ELMO1: variants seen among roughly 807,000 people sequenced by gnomAD.
ELMO1 encodes engulfment and cell motility protein 1.
A neutral mutation model predicts 98.9 loss-of-function variants in ELMO1; 26 were observed. The observed-to-expected ratio is 0.26, with a 90% confidence interval of 0.19 to 0.36. ELMO1 has a LOEUF of 0.36. Among genes scored for constraint, ELMO1 ranks in the 10% least tolerant of loss-of-function variants. ELMO1 has a pLI of 1.00. For synonymous variants in ELMO1, 346 were observed against 346.0 expected, an observed-to-expected ratio of 1.00 and a Z score of 0.00; for missense variants, 627 against 935.2, an observed-to-expected ratio of 0.67 and a Z score of 4.30.
Position 37,079,664 on chromosome 7 carries a change from A to C in ELMO1, c.1300+16955T>G, listed in dbSNP as rs77283650. ...TACTAAAAATCAATGGTCAGTTCTC[A>C]GTCCTCATTTAACCCCATCACCTGC... On this transcript the variant is annotated intron_variant, in intron 15 of 21. Coordinates refer to ENST00000310758, the MANE Select transcript of ELMO1 (RefSeq NM_014800.11). 1.6e-4 allele frequency among the ~76,000 whole-genome samples: 25 copies of C among 152,244 alleles called. 1 individual carries two copies. Among genetic ancestry groups the C allele is most frequent in the African/African-American group, 5.8e-4 (24 of 41,534 alleles).
intron 16 of ELMO1, among the ~76,000 whole-genome samples, chr7:36,896,780 G>C (rs1368134571): frequency 6.6e-6 from 1 of 151,998 alleles, no homozygotes; most frequent in Admixed American, 6.6e-5. Context: ...GATTAAATTT[G>C]GTCAAGGTTG....
At chr7:37,302,519 T>C (rs543155595) in intron 4 of ELMO1, among the ~76,000 whole-genome samples, 1 of 152,144 alleles carries the variant, frequency 6.6e-6, no homozygotes, top group South Asian at 2.1e-4. Flanking sequence ...AAAGGACATA[T>C]GTAGGGCACT....
intron 13 of ELMO1, among the ~76,000 whole-genome samples, chr7:37,133,503 G>A (rs1406043033): frequency 6.6e-6 from 1 of 152,126 alleles, no homozygotes; most frequent in Non-Finnish European, 1.5e-5. Flanking sequence ...TTAGACATGT[G>A]ACATTGTGAG....
At chr7:37,302,208 T>C (rs143421023) in intron 4 of ELMO1, among the ~76,000 whole-genome samples, 2 of 152,280 alleles carry the variant, frequency 1.3e-5, no homozygotes, top group Non-Finnish European at 2.9e-5. Flanking sequence ...GCAGTGGCTA[T>C]TCACAGGTAC....
At chr7:37,326,641 GT>G (rs1799833312) in intron 2 of ELMO1, among the ~76,000 whole-genome samples, 1 of 151,744 alleles carries the variant, frequency 6.6e-6, no homozygotes, top group Admixed American at 6.6e-5. Context: ...CAGTTAAATG[GT>G]TTACCAAAAG....
At chr7:37,158,514 A>C (rs1051825723) in intron 13 of ELMO1, among the ~76,000 whole-genome samples, 1 of 152,254 alleles carries the variant, frequency 6.6e-6, no homozygotes, top group Non-Finnish European at 1.5e-5. Flanking sequence ...GACACTTCTC[A>C]AAAGAAGACA....
intron 13 of ELMO1, among the ~76,000 whole-genome samples, chr7:37,174,239 C>T (rs1790372522): frequency 6.6e-6 from 1 of 152,154 alleles, no homozygotes; most frequent in African/African-American, 2.4e-5. Context: ...GGTCATCTCA[C>T]GTTTTTGTTA....
chr7:37,068,924 A>G (rs1183359833), intron 15 of ELMO1, among the ~76,000 whole-genome samples: 1 of 152,234 alleles, frequency 6.6e-6, no homozygotes, highest in Non-Finnish European at 1.5e-5. Context: ...AATAATTATA[A>G]AACAGCAGTT....
chr7:37,043,317 G>A (rs1266035299), intron 15 of ELMO1, among the ~76,000 whole-genome samples: 1 of 152,200 alleles, frequency 6.6e-6, no homozygotes, highest in Non-Finnish European at 1.5e-5. Flanking sequence ...TCTCGTCCCT[G>A]TGCCCCAAGC....
chr7:37,088,330 T>A (rs1359423438), intron 15 of ELMO1, among the ~76,000 whole-genome samples: 2 of 152,230 alleles, frequency 1.3e-5, no homozygotes, highest in East Asian at 3.8e-4. Flanking sequence ...TATCTCCAAG[T>A]ACTGCTTTCT....
In ELMO1 at chr7:36,882,533, C is replaced by G. The variant is rs187020491; in HGVS notation, c.1715-4416G>C. Among the ~76,000 whole-genome samples, 15 of 152,326 alleles carry G rather than the reference C, an allele frequency of 9.8e-5. No homozygotes were observed. The East Asian group carries it at 2.9e-3, about 29-fold the overall frequency. On this transcript the variant is annotated intron_variant, in intron 18 of 21. Transcript: ENST00000310758. The stretch of plus-strand genomic sequence containing the variant: ...TGTGTTTTGATTCTGAATTCTGCCT[C>G]CCTGGACACAGCTGCTCAGAGCAAA...
At chr7:37,435,131 G>A (rs571120831) in intron 1 of ELMO1, 3 of 152,414 alleles carry the variant, frequency 2.0e-5, no homozygotes, top group South Asian at 2.1e-4. Flanking sequence ...TCCAAGTGCC[G>A]AGGTGTTTAC....
chr7:37,443,004 A>G (rs1187684696), intron 1 of ELMO1, among the ~76,000 whole-genome samples: 1 of 152,230 alleles, frequency 6.6e-6, no homozygotes, highest in Non-Finnish European at 1.5e-5. Context: ...TCCAAGCCAC[A>G]TCTGTAAAAT....
intron 13 of ELMO1, among the ~76,000 whole-genome samples, chr7:37,191,648 G>A (rs369962809): frequency 2.8e-4 from 42 of 152,288 alleles, no homozygotes; most frequent in African/African-American, 8.4e-4. Flanking sequence ...GGCCGGGCAC[G>A]GTGGCTCAAG....
At chr7:36,880,862 CA>C (rs1271606437) in intron 18 of ELMO1, among the ~76,000 whole-genome samples, 1 of 152,180 alleles carries the variant, frequency 6.6e-6, no homozygotes, top group Non-Finnish European at 1.5e-5. Context: ...ATCTTCCTTG[CA>C]AAGTTGGAGT....
intron 1 of ELMO1, among the ~76,000 whole-genome samples, chr7:37,440,242 G>A (rs945339304): frequency 6.6e-6 from 1 of 152,088 alleles, no homozygotes; most frequent in Non-Finnish European, 1.5e-5. Flanking sequence ...AGGAGTTCGA[G>A]ACCAGCCTGG....
intron 13 of ELMO1, among the ~76,000 whole-genome samples, chr7:37,137,236 T>C (rs1167310238): frequency 6.6e-6 from 1 of 152,168 alleles, no homozygotes; most frequent in Non-Finnish European, 1.5e-5. Flanking sequence ...ATACTAAATA[T>C]ATATGCATCT....
At chr7:37,138,392 T>C (rs1787404071) in intron 13 of ELMO1, among the ~76,000 whole-genome samples, 1 of 151,728 alleles carries the variant, frequency 6.6e-6, no homozygotes, top group South Asian at 2.1e-4. Flanking sequence ...ATGGGAGATA[T>C]TACAACTGAT....
chr7:37,295,917 G>A (rs187351890), intron 4 of ELMO1, among the ~76,000 whole-genome samples: 3 of 152,128 alleles, frequency 2.0e-5, no homozygotes, highest in African/African-American at 4.8e-5. Context: ...CATTCAATAC[G>A]CTTTTGTGTG....
Sources: allele counts gnomAD v4.1 joint callset (sites outside exome capture counted in the v4.1 genomes callset), GRCh38; gene constraint gnomAD v4.1.1; transcripts MANE v1.5; gene names NCBI Gene and HGNC (gene_info 2026-07-23, HGNC 2026-07-21).